Variants in FHIT observed in about 807,000 individuals in gnomAD.
FHIT encodes the protein bis(5'-adenosyl)-triphosphatase.
In FHIT, 19 loss-of-function variants were observed where a neutral mutation model predicts 17.9. The observed-to-expected ratio is 1.06, with a 90% confidence interval of 0.74 to 1.56. The LOEUF is 1.56. FHIT is among the 40% of genes most tolerant of loss of function. The pLI, the probability that FHIT is intolerant of heterozygous loss-of-function variation, is 0.00. For missense variants in FHIT, 248 were observed against 189.2 expected, an observed-to-expected ratio of 1.31 and a Z score of -1.82; for synonymous variants, 81 against 69.7, an observed-to-expected ratio of 1.16 and a Z score of -0.81.
rs190627507 is a variant in FHIT, at chr3:60,423,443, A to G, written c.103+113417T>C. Among the ~76,000 whole-genome samples the G allele has an allele frequency of 7.7e-4, 118 of 152,304 alleles. 1 individual carries two copies. Among genetic ancestry groups the G allele is most frequent in the Non-Finnish European group, 1.2e-3 (81 of 68,026 alleles). On this transcript the variant is annotated intron_variant, in intron 5 of 9. Coordinates refer to ENST00000492590, the MANE Select transcript of FHIT (RefSeq NM_002012.4). ...GCTTTCTCAACAGCTTGTCTAAAGC[A>G]TGCTTATATAATTATCAGGAGAATA...
intron 4 of FHIT, among the ~76,000 whole-genome samples, chr3:60,724,281 G>C (rs1049806585): frequency 6.6e-6 from 1 of 152,120 alleles, no homozygotes; most frequent in Non-Finnish European, 1.5e-5. Context: ...TGTTTTCAAG[G>C]TTCCTCCATG....
chr3:60,214,377 TA>T (rs571174050), intron 5 of FHIT, among the ~76,000 whole-genome samples: 6 of 151,940 alleles, frequency 3.9e-5, no homozygotes, highest in Admixed American at 3.9e-4. Flanking sequence ...GAAAGCTTTT[TA>T]AAAAAAACTA....
intron 3 of FHIT, among the ~76,000 whole-genome samples, chr3:60,915,082 T>G (rs1706933307): frequency 6.6e-6 from 1 of 152,236 alleles, no homozygotes; most frequent in Admixed American, 6.5e-5. Flanking sequence ...TATAATGACT[T>G]GGTTTTCCAA....
At chr3:60,207,187 T>C (rs1703236189) in intron 5 of FHIT, among the ~76,000 whole-genome samples, 1 of 152,060 alleles carries the variant, frequency 6.6e-6, no homozygotes, top group Non-Finnish European at 1.5e-5. Flanking sequence ...TGTGTGTGTC[T>C]CTGTACCAAT....
chr3:61,103,813 T>C (rs887700953), intron 2 of FHIT, among the ~76,000 whole-genome samples: 2 of 152,112 alleles, frequency 1.3e-5, no homozygotes, highest in African/African-American at 2.4e-5. Context: ...ATGTAATGGC[T>C]TTCTTTGTCT....
At chr3:60,155,877 T>TC (rs1700666442) in intron 5 of FHIT, among the ~76,000 whole-genome samples, 1 of 152,068 alleles carries the variant, frequency 6.6e-6, no homozygotes, top group Non-Finnish European at 1.5e-5. Flanking sequence ...TCCTTTAGAC[T>TC]CCCTCTCTCT....
chr3:59,793,421 G>GGCAA (rs1310829547), intron 8 of FHIT, among the ~76,000 whole-genome samples: 1 of 152,152 alleles, frequency 6.6e-6, no homozygotes, highest in Non-Finnish European at 1.5e-5. Context: ...TCGTGATGAA[G>GGCAA]GCAACCTTTG....
chr3:60,801,374 C>T (rs1701181019), intron 4 of FHIT, among the ~76,000 whole-genome samples: 1 of 152,200 alleles, frequency 6.6e-6, no homozygotes, highest in African/African-American at 2.4e-5. Flanking sequence ...ACAGCGACAG[C>T]CCTAATACAG....
chr3:59,954,073 T>G (rs1158545354), intron 7 of FHIT, among the ~76,000 whole-genome samples: 1 of 152,142 alleles, frequency 6.6e-6, no homozygotes, highest in Non-Finnish European at 1.5e-5. Context: ...CAGTTTAACT[T>G]GAAGAGTGCA....
intron 4 of FHIT, among the ~76,000 whole-genome samples, chr3:60,673,795 A>G (rs1553694597): frequency 6.6e-6 from 1 of 152,152 alleles, no homozygotes; most frequent in Non-Finnish European, 1.5e-5. Context: ...GTTCTCCTAT[A>G]TGTAATGTCT....
chr3:60,458,035 G>T (rs1296741781), intron 5 of FHIT, among the ~76,000 whole-genome samples: 4 of 152,236 alleles, frequency 2.6e-5, no homozygotes, highest in South Asian at 4.1e-4. Context: ...CGGTTCCTCA[G>T]GGATCCAGAA....
intron 5 of FHIT, among the ~76,000 whole-genome samples, chr3:60,521,128 A>C (rs1576804257): frequency 6.6e-6 from 1 of 152,052 alleles, no homozygotes; most frequent in Non-Finnish European, 1.5e-5. Flanking sequence ...TATTTTTTTA[A>C]ATTCCATTTA....
chr3:60,659,652 TA>T (rs2040195381), intron 4 of FHIT, among the ~76,000 whole-genome samples: 6 of 152,174 alleles, frequency 3.9e-5, no homozygotes, highest in Admixed American at 2.6e-4. Flanking sequence ...TTGATGTTGC[TA>T]GTTAGTTCAT....
intron 2 of FHIT, among the ~76,000 whole-genome samples, chr3:61,175,896 C>A (rs979359838): frequency 4.6e-5 from 7 of 152,206 alleles, no homozygotes; most frequent in Non-Finnish European, 7.3e-5. Context: ...TACAGCAGCA[C>A]AAACAGCTTA....
Position 60,245,512 on chromosome 3 carries a change from A to G in FHIT, c.104-231360T>C, listed in dbSNP as rs1445965165. ...CTCATAAAGTTAATCAACCTTACCAACAAGTGACTAACTGAACATTACAAT... is the reference window on the plus strand; with the variant it reads ...CTCATAAAGTTAATCAACCTTACCAGCAAGTGACTAACTGAACATTACAAT... On this transcript the variant is annotated intron_variant, in intron 5 of 9. Transcript: ENST00000492590. Among the ~76,000 whole-genome samples, 6 of 152,196 alleles carry G rather than the reference A, an allele frequency of 3.9e-5. No individual in the cohort carries two copies. In the East Asian group the frequency reaches 5.8e-4, roughly 15 times the overall value.
At chr3:60,080,540 T>C (rs1703231930) in intron 5 of FHIT, among the ~76,000 whole-genome samples, 2 of 152,174 alleles carry the variant, frequency 1.3e-5, no homozygotes, top group South Asian at 4.2e-4. Flanking sequence ...TCATTCTTTA[T>C]TCACCAAACA....
intron 5 of FHIT, among the ~76,000 whole-genome samples, chr3:60,407,022 T>C (rs1308546012): frequency 6.6e-6 from 1 of 150,562 alleles, no homozygotes; most frequent in Non-Finnish European, 1.5e-5. Context: ...CTCATTCTCC[T>C]ATATCCTTTA....
chr3:60,452,965 T>C (rs1045648356), intron 5 of FHIT, among the ~76,000 whole-genome samples: 1 of 152,204 alleles, frequency 6.6e-6, no homozygotes, highest in Non-Finnish European at 1.5e-5. Context: ...ATTTCTGTAG[T>C]GTACACGAAT....
At chr3:59,928,787 G>A (rs1041577362) in intron 7 of FHIT, among the ~76,000 whole-genome samples, 1 of 152,096 alleles carries the variant, frequency 6.6e-6, no homozygotes, top group African/African-American at 2.4e-5. Flanking sequence ...ACAAGGTCAG[G>A]AGTTCGAGAC....
Sources: allele counts gnomAD v4.1 joint callset (sites outside exome capture counted in the v4.1 genomes callset), GRCh38; gene constraint gnomAD v4.1.1; transcripts MANE v1.5; gene names NCBI Gene and HGNC (gene_info 2026-07-23, HGNC 2026-07-21).